PTBP3: variants seen among roughly 807,000 people sequenced by gnomAD.
PTBP3 encodes the protein polypyrimidine tract binding protein 3.
Under a neutral mutation model 58.7 loss-of-function variants are expected in PTBP3, and 20 were observed. The ratio of observed to expected loss-of-function variants is 0.34; its 90% CI spans 0.24 to 0.50. The LOEUF (loss-of-function observed/expected upper bound fraction) is 0.50. Ranked by LOEUF, PTBP3 falls within the 20% of genes least tolerant of loss-of-function variation. The probability of loss-of-function intolerance (pLI) is 0.98; values close to 1 mark genes in which losing one functional copy is unlikely to be tolerated. For synonymous variants in PTBP3, 185 were observed against 219.8 expected, an observed-to-expected ratio of 0.84 and a Z score of 1.40; for missense variants, 509 against 637.2, an observed-to-expected ratio of 0.80 and a Z score of 2.17.
intron 7 of PTBP3, among the ~76,000 whole-genome samples, chr9:112,245,316 A>G (rs964985060): frequency 2.6e-5 from 4 of 152,162 alleles, no homozygotes; most frequent in African/African-American, 9.7e-5. Context: ...CAAAAACACA[A>G]ACAAACAAAA....
chr9:112,236,164 T>C (rs1287264849), intron 7 of PTBP3, among the ~76,000 whole-genome samples: 1 of 151,926 alleles, frequency 6.6e-6, no homozygotes, highest in Non-Finnish European at 1.5e-5. Context: ...TTAATATAAT[T>C]TATTAAATAT....
intron 1 of PTBP3, among the ~76,000 whole-genome samples, chr9:112,322,265 CA>C (rs1336088463): frequency 6.6e-6 from 1 of 151,660 alleles, no homozygotes; most frequent in Non-Finnish European, 1.5e-5. Flanking sequence ...CTGATGTTTT[CA>C]AAAAACTTTA....
Position 112,252,800 on chromosome 9 carries a change from T to A in PTBP3, c.517-12A>T, listed in dbSNP as rs140806454. 828 of 1,423,318 alleles carry A rather than the reference T, an allele frequency of 5.8e-4. 4 individuals are homozygous for A. In the East Asian group the frequency reaches 0.016, roughly 28 times the overall value. The allele number at this position is 1,423,318 out of a possible 1,614,324, so 88.2% of individuals were successfully genotyped here. On this transcript the variant is annotated splice_polypyrimidine_tract_variant and intron_variant, in intron 5 of 13. Coordinates refer to ENST00000374257, the MANE Select transcript of PTBP3 (RefSeq NM_001163788.4). ...AATTTAGAAAATATCTGGAAAACAG[T>A]TCACATTAGGTTAAATGTAAAAGAA...
intron 3 of PTBP3, among the ~76,000 whole-genome samples, chr9:112,274,436 A>G (rs1827519467): frequency 6.6e-6 from 1 of 152,226 alleles, no homozygotes; most frequent in Non-Finnish European, 1.5e-5. Context: ...AGTAATAAAC[A>G]GTATAAAAGA....
the PTBP3 span, among the ~76,000 whole-genome samples, chr9:112,361,054 T>A: frequency 6.6e-6 from 1 of 152,186 alleles, no homozygotes; most frequent in Non-Finnish European, 1.5e-5. Context: ...GAAAATTACT[T>A]TTTAACATTG....
At chr9:112,362,175 C>T in the PTBP3 span, among the ~76,000 whole-genome samples, 1 of 152,012 alleles carries the variant, frequency 6.6e-6, no homozygotes, top group Non-Finnish European at 1.5e-5. Flanking sequence ...CCTGTCTCTA[C>T]AAAAAGTATG....
Position 112,228,437 on chromosome 9 carries a change from A to T in PTBP3, c.1090T>A (p.Phe364Ile). The T allele has an allele frequency of 6.2e-7, 1 of 1,608,710 alleles. No individual in the cohort carries two copies. Among genetic ancestry groups the T allele is most frequent in the Non-Finnish European group, 8.5e-7 (1 of 1,178,444 alleles). ...ACCAAGGCATTTTCTTTCTTATTAA[A>T]CATAATCTTCACTCGATGTACATCA... ...YGDVHRVKIM[F>I]NKKENALVQM... The change falls in exon 11 of 14, where the codon TTT (phenylalanine) becomes ATT (isoleucine). Residue 364 changes from phenylalanine (F) to isoleucine (I), a missense_variant. By Grantham distance (21) the Phe-to-Ile change is conservative (BLOSUM62 0). Coordinates refer to ENST00000374257, the MANE Select transcript of PTBP3 (RefSeq NM_001163788.4).
At chr9:112,239,349 G>T (rs192383430) in intron 7 of PTBP3, among the ~76,000 whole-genome samples, 101 of 152,180 alleles carry the variant, frequency 6.6e-4, no homozygotes, top group African/African-American at 2.3e-3. Context: ...GTCTGCCCTG[G>T]TGAAGTTTGA....
chr9:112,290,996 C>A (rs368424947), intron 2 of PTBP3, among the ~76,000 whole-genome samples: 1 of 151,614 alleles, frequency 6.6e-6, no homozygotes, highest in Admixed American at 6.6e-5. Context: ...CCAAGGTGAG[C>A]GGATCACCTG....
intron 3 of PTBP3, among the ~76,000 whole-genome samples, chr9:112,273,202 T>A (rs547924153): frequency 1.3e-5 from 2 of 152,258 alleles, no homozygotes; most frequent in South Asian, 4.1e-4. Context: ...ACTCCCCAAA[T>A]AAATAAAAAT....
At chr9:112,259,771 G>A (rs570242733) in intron 5 of PTBP3, among the ~76,000 whole-genome samples, 79 of 152,228 alleles carry the variant, frequency 5.2e-4, no homozygotes, top group Middle Eastern at 3.4e-3. Flanking sequence ...GTTATAACAG[G>A]TACAACCAAC....
chr9:112,250,605 A>T (rs1013973734), intron 7 of PTBP3, among the ~76,000 whole-genome samples: 7 of 152,198 alleles, frequency 4.6e-5, no homozygotes, highest in African/African-American at 1.7e-4. Context: ...TGGCAAAATT[A>T]TTATGGCTAT....
In PTBP3 at chr9:112,312,488, G is replaced by GGT. The variant is rs1564455574; in HGVS notation, c.-51-14573_-51-14572insAC. On this transcript the variant is annotated intron_variant, in intron 1 of 13. Coordinates refer to ENST00000374257, the MANE Select transcript of PTBP3 (RefSeq NM_001163788.4). The stretch of plus-strand genomic sequence containing the variant: ...TGAACGAGACCTTGTTTTTTTTTTT[G>GGT]TTTTTTTTTTTTAAAAAAAAAAAAA... Among the ~76,000 whole-genome samples, 162 of 75,928 alleles carry GGT rather than the reference G, an allele frequency of 2.1e-3. 1 individual carries two copies. The highest frequency in any genetic ancestry group is 9.3e-3 in the Middle Eastern group (1 of 108). 49.8% of individuals were successfully genotyped at this position (75,928 alleles called of 152,430 possible). A position where few individuals can be genotyped will look rare whatever the true frequency, so the allele number is the denominator to read the frequency against.
chr9:112,238,712 C>T (rs1835528570), intron 7 of PTBP3, among the ~76,000 whole-genome samples: 1 of 42,084 alleles, frequency 2.4e-5, no homozygotes, highest in African/African-American at 1.4e-4. Flanking sequence ...TGACAACTGA[C>T]TTTCTAAGAG....
chr9:112,340,572 T>C, the PTBP3 span, among the ~76,000 whole-genome samples: 1 of 152,248 alleles, frequency 6.6e-6, no homozygotes, highest in Admixed American at 6.5e-5. Flanking sequence ...TGTTATTGTC[T>C]TATCTATGTT....
At chr9:112,353,592 ACT>A in the PTBP3 span, among the ~76,000 whole-genome samples, 1 of 151,870 alleles carries the variant, frequency 6.6e-6, no homozygotes, top group Non-Finnish European at 1.5e-5. Context: ...GTTATGTATA[ACT>A]CTTGCTCCCT....
chr9:112,363,775 A>G, the PTBP3 span, among the ~76,000 whole-genome samples: 2 of 152,128 alleles, frequency 1.3e-5, no homozygotes, highest in African/African-American at 2.4e-5. Context: ...GAGTTTCCAC[A>G]TACTCCCTCC....
chr9:112,346,698 G>C, the PTBP3 span, among the ~76,000 whole-genome samples: 613 of 152,322 alleles, frequency 4.0e-3, 7 homozygotes, highest in African/African-American at 0.014. Context: ...TTTAAGGTTA[G>C]AGACATACAC....
chr9:112,291,229 C>A (rs1252272528), intron 2 of PTBP3, among the ~76,000 whole-genome samples: 11 of 147,648 alleles, frequency 7.5e-5, no homozygotes, highest in African/African-American at 9.9e-5. Flanking sequence ...TCTCTGTCTC[C>A]AAAAAAAAAA....
Sources: allele counts gnomAD v4.1 joint callset (sites outside exome capture counted in the v4.1 genomes callset), GRCh38; gene constraint gnomAD v4.1.1; transcripts MANE v1.5; gene names NCBI Gene and HGNC (gene_info 2026-07-23, HGNC 2026-07-21).